Variants in ZNF274 observed in about 807,000 individuals in gnomAD.
ZNF274 encodes the protein zinc finger protein 274.
Under a neutral mutation model 42.5 loss-of-function variants are expected in ZNF274, and 23 were observed. That is an observed-to-expected ratio of 0.54 (90% CI 0.39 to 0.77). The LOEUF (loss-of-function observed/expected upper bound fraction) is 0.77. Ranked by LOEUF, ZNF274 falls within the 30% of genes least tolerant of loss-of-function variation. The pLI is 0.00. For synonymous variants in ZNF274, 292 were observed against 305.4 expected (o/e 0.96, Z 0.46); for missense variants, 679 against 806.5 (o/e 0.84, Z 1.91).
chr19:58,198,994 T>C (rs1431301007), intron 4 of ZNF274, among the ~76,000 whole-genome samples: 1 of 151,848 alleles, frequency 6.6e-6, no homozygotes, highest in East Asian at 1.9e-4. Flanking sequence ...CCGGGCAGCA[T>C]AGCAATTCCT....
chr19:58,184,106 TC>T, intron 2 of ZNF274, 108 bp downstream of exon 2: 1 of 1,279,400 alleles, frequency 7.8e-7, no homozygotes, highest in Middle Eastern at 1.9e-4. Flanking sequence ...CCAGAGCACC[TC>T]GGGGAGGGGG....
At chr19:58,205,179 G>A (rs2075967448) in intron 4 of ZNF274, among the ~76,000 whole-genome samples, 1 of 152,144 alleles carries the variant, frequency 6.6e-6, no homozygotes, top group African/African-American at 2.4e-5. Context: ...CCTTGCTGTG[G>A]CTTTGCTAGT....
rs45601339 is a variant in ZNF274, at chr19:58,206,880, T to C, written c.417T>C (p.Ser139=). 0.05 allele frequency: 80,870 copies of C among 1,613,716 alleles called. 2,299 individuals are homozygous for C. Among genetic ancestry groups the C allele is most frequent in the Non-Finnish European group, 0.057 (66,761 of 1,179,754 alleles). Residue 139 remains serine (S), a synonymous_variant, in exon 5 of 8, where the codon AGT becomes AGC. Transcript: ENST00000617501. ...QALYAEDGSL[S]ADAPSEQVQQ... ...TATATGCTGAAGATGGAAGCCTGAG[T>C]GCAGATGCCCCCAGTGAGCAGGTCC...
At chr19:58,184,655 C>T (rs2075674634) in intron 2 of ZNF274, 1 of 152,136 alleles carries the variant, frequency 6.6e-6, no homozygotes, top group African/African-American at 2.4e-5. Context: ...CAGCAGAGTT[C>T]AATAACAAGT....
At chr19:58,199,606 G>A (rs753907127) in intron 4 of ZNF274, among the ~76,000 whole-genome samples, 1 of 152,076 alleles carries the variant, frequency 6.6e-6, no homozygotes, top group Non-Finnish European at 1.5e-5. Context: ...CCTGTAATTC[G>A]GGAGGCTGAG....
intron 2 of ZNF274, chr19:58,184,527 G>C (rs1427492590): frequency 6.4e-6 from 1 of 155,820 alleles, no homozygotes; most frequent in Non-Finnish European, 1.4e-5. Context: ...TGGCCAGGCT[G>C]GTCTGGAACT....
chr19:58,201,528 T>C (rs1600147778), intron 4 of ZNF274, among the ~76,000 whole-genome samples: 1 of 142,562 alleles, frequency 7.0e-6, no homozygotes. Flanking sequence ...TTTTTTTTTT[T>C]CTTTCTGAGA....
intron 4 of ZNF274, among the ~76,000 whole-genome samples, chr19:58,195,214 C>T (rs1257634954): frequency 3.8e-5 from 5 of 130,484 alleles, no homozygotes. Context: ...AAAAAATACA[C>T]ATATATGTGT....
At position 58,205,970 on chromosome 19, in the gene ZNF274, T is replaced by TAC. The variant is rs2075974996; in HGVS notation, c.257-748_257-747dup. Among the ~76,000 whole-genome samples, 3 of 152,350 alleles carry TAC rather than the reference T, an allele frequency of 2.0e-5. No homozygotes were observed. The South Asian group carries it at 6.2e-4, about 32-fold the overall frequency. On this transcript the variant is annotated intron_variant, in intron 4 of 7. Transcript: ENST00000617501. ...TTGTAAAGTTCACTCTTGTAAAGTG[T>TAC]ACAGTTCAGTGTTTTTAAATATATT...
At chr19:58,210,281 G>C (rs1764309840) in intron 6 of ZNF274, 4 of 482,126 alleles carry the variant, frequency 8.3e-6, no homozygotes, top group Admixed American at 7.3e-5. Flanking sequence ...TGGAGACAAC[G>C]CATGGTGACC....
chr19:58,184,315 A>G (rs1056267978), intron 2 of ZNF274: 5 of 267,140 alleles, frequency 1.9e-5, no homozygotes, highest in Non-Finnish European at 3.7e-5. Context: ...TTTGAGATGG[A>G]GTCTCCCTCT....
At chr19:58,203,165 G>GCCC (rs11392196) in intron 4 of ZNF274, among the ~76,000 whole-genome samples, 1 of 150,986 alleles carries the variant, frequency 6.6e-6, no homozygotes, top group Non-Finnish European at 1.5e-5. Flanking sequence ...CTGCCACTTA[G>GCCC]CCCCCCCCCA....
At chr19:58,188,431 G>T (rs760396761) in intron 4 of ZNF274, among the ~76,000 whole-genome samples, 95 of 150,826 alleles carry the variant, frequency 6.3e-4, no homozygotes, top group Non-Finnish European at 2.4e-4. Context: ...GACCAGCCTG[G>T]CCAAAATGGT....
At chr19:58,210,187 T>G (rs1022505494) in intron 6 of ZNF274, 114 bp downstream of exon 6, 2 of 728,312 alleles carry the variant, frequency 2.7e-6, no homozygotes, top group Non-Finnish European at 4.6e-6. Flanking sequence ...GGCTGGGACA[T>G]TCTGAGATTC....
At chr19:58,186,856 G>C in intron 3 of ZNF274, 91 bp from the exon 4 acceptor site, 1 of 1,069,034 alleles carries the variant, frequency 9.4e-7, no homozygotes, top group Non-Finnish European at 1.4e-6. Context: ...CCTTAGCAGG[G>C]GAGAAGCTGG....
intron 5 of ZNF274, chr19:58,209,339 G>A (rs117435018): frequency 0.011 from 1,717 of 152,498 alleles, 11 homozygotes; most frequent in Non-Finnish European, 0.018. Flanking sequence ...GGCCCACCTT[G>A]ATGGTGGGGG....
intron 4 of ZNF274, among the ~76,000 whole-genome samples, chr19:58,204,582 C>G (rs904240615): frequency 6.6e-6 from 1 of 152,070 alleles, no homozygotes; most frequent in African/African-American, 2.4e-5. Context: ...TCCGCCCGAG[C>G]TTTTTTATTT....
At chr19:58,196,288 C>T (rs775845672) in intron 4 of ZNF274, among the ~76,000 whole-genome samples, 2 of 152,208 alleles carry the variant, frequency 1.3e-5, no homozygotes, top group Admixed American at 6.5e-5. Flanking sequence ...AGGCCAGGCA[C>T]GGCGGCTCAT....
At chr19:58,185,120 A>C (rs971030754) in intron 2 of ZNF274, among the ~76,000 whole-genome samples, 19 of 141,726 alleles carry the variant, frequency 1.3e-4, no homozygotes, top group Admixed American at 1.1e-3. Context: ...ACTCCGTCTC[A>C]AAAAAAAAAG....
Sources: allele counts gnomAD v4.1 joint callset (sites outside exome capture counted in the v4.1 genomes callset), GRCh38; gene constraint gnomAD v4.1.1; transcripts MANE v1.5; gene names NCBI Gene and HGNC (gene_info 2026-07-23, HGNC 2026-07-21).